The following COL6A2 variants were observed in gnomAD, a reference collection of about 807,000 sequenced individuals.
COL6A2 encodes collagen type VI alpha 2 chain.
Under a neutral mutation model 124.9 loss-of-function variants are expected in COL6A2, and 90 were observed. That is an observed-to-expected ratio of 0.72 (90% confidence interval 0.61 to 0.86). The LOEUF is 0.86. Ranked by LOEUF, COL6A2 falls within the 40% of genes least tolerant of loss-of-function variation. The pLI is 0.00. For synonymous variants in COL6A2, 793 were observed against 618.2 expected, an observed-to-expected ratio of 1.28 and a Z score of -4.19; for missense variants, 1,607 against 1,502.5, an observed-to-expected ratio of 1.07 and a Z score of -1.15.
At chr21:46,111,419 G>A in intron 1 of COL6A2, 31 bp from the exon 2 acceptor site, 1 of 1,329,670 alleles carries the variant, frequency 7.5e-7, no homozygotes, top group Non-Finnish European at 1.1e-6. Context: ...AGGCACTGGG[G>A]GTGTCTGAGC....
In COL6A2 at chr21:46,101,933, G is replaced by GAA. The variant is rs35674335; in HGVS notation, c.-28+3769_-28+3770dup. On this transcript the variant is annotated intron_variant, in intron 1 of 27. Coordinates refer to ENST00000300527, the MANE Select transcript of COL6A2 (RefSeq NM_001849.4). ...ATTTTAGGATTTATTCACTATTTCT[G>GAA]AAAAAAAAAACAATCACTGGGATTT... Among the ~76,000 whole-genome samples, 123 of 118,756 alleles carry GAA rather than the reference G, an allele frequency of 1.0e-3. No homozygotes were observed. In the East Asian group the frequency reaches 0.016, roughly 15 times the overall value. 77.9% of individuals were successfully genotyped at this position (118,756 alleles called of 152,430 possible).
chr21:46,117,209 C>T (rs2078485827), intron 10 of COL6A2, among the ~76,000 whole-genome samples, 191 bp from the exon 11 acceptor site: 1 of 152,236 alleles, frequency 6.6e-6, no homozygotes, highest in South Asian at 2.1e-4. Context: ...ATGGCCTGTT[C>T]CTGCACAACG....
At position 46,116,589 on chromosome 21, in the gene COL6A2, G is replaced by C; in HGVS notation, c.928-62G>C. The stretch of plus-strand genomic sequence containing the variant: ...GGCCCAAGGGCTTTGCCCCCCAGAG[G>C]CAGCAGTGCCCATGATGCTTTGAGG... On this transcript the variant is annotated intron_variant, in intron 8 of 27. Transcript: ENST00000300527. The surrounding 1 kb of genome is among the most constrained non-coding windows in gnomAD (Gnocchi z 4.6). The C allele has an allele frequency of 6.2e-7, 1 of 1,610,092 alleles. No individual in the cohort carries two copies. Among genetic ancestry groups the C allele is most frequent in the Non-Finnish European group, 8.5e-7 (1 of 1,177,828 alleles).
chr21:46,104,092 C>A (rs1381415756), intron 1 of COL6A2, among the ~76,000 whole-genome samples: 2 of 151,770 alleles, frequency 1.3e-5, no homozygotes, highest in Non-Finnish European at 2.9e-5. Flanking sequence ...ATTATAAAAA[C>A]AAGAAAAACC....
intron 18 of COL6A2, among the ~76,000 whole-genome samples, 178 bp downstream of exon 18, chr21:46,121,796 G>A (rs2078570905): frequency 2.0e-5 from 3 of 152,112 alleles, no homozygotes; most frequent in Non-Finnish European, 4.4e-5. Flanking sequence ...AAGCCCCCCT[G>A]GCTCTCCTCT....
intron 27 of COL6A2, among the ~76,000 whole-genome samples, chr21:46,130,178 G>A (rs1018577586): frequency 8.5e-5 from 13 of 152,312 alleles, no homozygotes; most frequent in South Asian, 4.1e-4. Flanking sequence ...ACAGTAGGGC[G>A]AATGGCCACA....
In COL6A2 at chr21:46,126,080, G is replaced by C; in HGVS notation, c.2265G>C (p.Thr755=). 6.2e-7 allele frequency: 1 copy of C among 1,612,904 alleles called. No individual in the cohort carries two copies. Among genetic ancestry groups the C allele is most frequent in the Non-Finnish European group, 8.5e-7 (1 of 1,180,004 alleles). The part of the protein sequence containing the change: ...RALCDRDVTV[T]AIGIGDMFHE... Reference sequence around the variant, plus strand: ...TGTGCGACCGCGACGTCACAGTGACGGCCATCGGCATCGGGGACATGTTCC... The same window carrying C: ...TGTGCGACCGCGACGTCACAGTGACCGCCATCGGCATCGGGGACATGTTCC... Residue 755 remains threonine, a synonymous_variant, in exon 26 of 28, where the codon ACG becomes ACC. Transcript: ENST00000300527.
At chr21:46,124,034 C>T (rs960573202) in intron 21 of COL6A2, among the ~76,000 whole-genome samples, 9 of 122,988 alleles carry the variant, frequency 7.3e-5, no homozygotes, top group East Asian at 5.3e-4. Context: ...GATGGACAGA[C>T]GGACAGTGGG....
In COL6A2 at chr21:46,111,498, G is replaced by A. The variant is rs192476178; in HGVS notation, c.22G>A (p.Val8Met). The change falls in exon 2 of 28, where the codon GTG becomes ATG. Residue 8 changes from valine (V) to methionine (M), a missense_variant. Around this residue, in one of 3 missense-constraint regions of COL6A2, gnomAD observed 342 missense variants for 381.5 expected, o/e 0.90. Transcript: ENST00000300527. ...CAAGATGCTCCAGGGCACCTGCTCC[G>A]TGCTCCTGCTCTGGGGAATCCTGGG... MLQGTCS[V>M]LLLWGILGAI... The A allele has an allele frequency of 1.3e-4, 217 of 1,612,646 alleles. No homozygotes were observed. The Admixed American group carries it at 1.7e-3, about 13-fold the overall frequency.
chr21:46,129,611 ACAGTC>A (rs2078732443), intron 27 of COL6A2: 1 of 1,433,654 alleles, frequency 7.0e-7, no homozygotes, highest in African/African-American at 1.4e-5. Context: ...CAGCGGGGCT[ACAGTC>A]CTTCCAGGGG....
Position 46,129,583 on chromosome 21 carries a change from GA to G in COL6A2, c.2462-2370del, listed in dbSNP as rs1354071260. On this transcript the variant is annotated intron_variant, in intron 27 of 27. Coordinates refer to ENST00000300527, the MANE Select transcript of COL6A2 (RefSeq NM_001849.4). ...ACAGGCTGGCTCTCAGTGGAGGCCA[GA>G]GATCTGGAATCGGGGTCAGCGGGGC... 7 of 1,449,050 alleles carry G rather than the reference GA, an allele frequency of 4.8e-6. No individual in the cohort carries two copies. The Admixed American group carries it at 8.2e-5, about 17-fold the overall frequency. 89.8% of individuals were successfully genotyped at this position (1,449,050 alleles called of 1,614,324 possible). A position where few individuals can be genotyped will look rare whatever the true frequency, so the allele number is the denominator to read the frequency against.
At position 46,132,348 on chromosome 21, in the gene COL6A2, G is replaced by A. The variant is rs138074469; in HGVS notation, c.2856G>A (p.Thr952=). Residue 952 remains threonine (T), a synonymous_variant, in exon 28 of 28, where the codon ACG becomes ACA. Transcript: ENST00000300527. The part of the protein sequence containing the change: ...LSFVFLTDGV[T]GNDSLHESAH... ...TCGTGTTCCTCACGGACGGCGTCAC[G>A]GGCAACGACAGTCTGCACGAGTCGG... The A allele has an allele frequency of 1.3e-3, 2,107 of 1,608,434 alleles. 22 individuals are homozygous for A. In the African/African-American group the frequency reaches 0.022, roughly 17 times the overall value.
At chr21:46,119,244 GCCC>G in intron 14 of COL6A2, 125 bp downstream of exon 14, 1 of 770,598 alleles carries the variant, frequency 1.3e-6, no homozygotes. Context: ...GCACAGCCAG[GCCC>G]CCATCCTCCC....
At chr21:46,108,968 C>T (rs908797045) in intron 1 of COL6A2, among the ~76,000 whole-genome samples, 5 of 152,124 alleles carry the variant, frequency 3.3e-5, no homozygotes, top group African/African-American at 1.2e-4. Flanking sequence ...CACAGGAGAC[C>T]CGCAGGGGGC....
At chr21:46,129,935 G>A in intron 27 of COL6A2, 1 of 759,782 alleles carries the variant, frequency 1.3e-6, no homozygotes, top group Non-Finnish European at 1.6e-6. Flanking sequence ...GGCTGAGGGA[G>A]GGTGCTGCCC....
intron 1 of COL6A2, 102 bp downstream of exon 1, chr21:46,098,275 C>T (rs2078247328): frequency 6.6e-6 from 1 of 152,306 alleles, no homozygotes; most frequent in African/African-American, 2.4e-5. Context: ...CCTCGGGTCC[C>T]CGGGAAGGGG....
At position 46,132,623 on chromosome 21, in the gene COL6A2, C is replaced by A; in HGVS notation, c.*71C>A. The stretch of plus-strand genomic sequence containing the variant: ...TCCATGGTGCTAAGCGGGCCCGGGT[C>A]CCACACGGCCAGCACCGCTGCTCAC... On this transcript the variant is annotated 3_prime_UTR_variant, in exon 28 of 28. Transcript: ENST00000300527. 1.4e-6 allele frequency: 2 copies of A among 1,410,870 alleles called. No homozygotes were observed. Among genetic ancestry groups the A allele is most frequent in the South Asian group, 1.2e-5 (1 of 82,158 alleles). The allele number at this position is 1,410,870 out of a possible 1,614,324, so 87.4% of individuals were successfully genotyped here.
chr21:46,110,618 C>T (rs2078384782), intron 1 of COL6A2, among the ~76,000 whole-genome samples: 1 of 152,162 alleles, frequency 6.6e-6, no homozygotes, highest in African/African-American at 2.4e-5. Context: ...GGCAGCGCCT[C>T]CCCTAGTCCC....
intron 21 of COL6A2, among the ~76,000 whole-genome samples, chr21:46,124,218 A>C (rs912297971): frequency 1.2e-4 from 17 of 146,752 alleles, no homozygotes; most frequent in African/African-American, 3.5e-4. Flanking sequence ...GGCTGGGTGG[A>C]TGGATGATGG....
Sources: allele counts gnomAD v4.1 joint callset (sites outside exome capture counted in the v4.1 genomes callset), GRCh38; gene constraint gnomAD v4.1.1; regional missense constraint gnomAD v4.1.1; non-coding constraint Gnocchi (gnomAD v3.1); transcripts MANE v1.5; gene names NCBI Gene and HGNC (gene_info 2026-07-23, HGNC 2026-07-21).